The following CBLB variants were observed in gnomAD, a reference collection of about 807,000 sequenced individuals.
The protein encoded by CBLB is E3 ubiquitin-protein ligase CBL-B.
A neutral mutation model predicts 104.9 loss-of-function variants in CBLB; 31 were observed. The observed-to-expected ratio is 0.30, with a 90% CI of 0.22 to 0.40. CBLB has a LOEUF of 0.40. Among genes scored for constraint, CBLB ranks in the 10% least tolerant of loss-of-function variants. CBLB has a pLI of 1.00. For synonymous variants in CBLB, 440 were observed against 422.6 expected (o/e 1.04, Z -0.51); for missense variants, 1,062 against 1,214.6 (o/e 0.87, Z 1.87).
chr3:105,764,355 G>T (rs1405316168), intron 4 of CBLB, among the ~76,000 whole-genome samples: 1 of 152,110 alleles, frequency 6.6e-6, no homozygotes, highest in Non-Finnish European at 1.5e-5. Context: ...AAAACAGCTG[G>T]CACACAGGTC....
chr3:105,678,735 T>C (rs2065945923), intron 16 of CBLB, among the ~76,000 whole-genome samples, 164 bp from the exon 17 acceptor site: 1 of 152,258 alleles, frequency 6.6e-6, no homozygotes, highest in South Asian at 2.1e-4. Context: ...CTAATTATTT[T>C]GTGGGAGAGT....
chr3:105,663,193 G>GTTACTGCTGTTACTATTTGAGACCC (rs2063995526), intron 18 of CBLB, among the ~76,000 whole-genome samples: 1 of 63,972 alleles, frequency 1.6e-5, no homozygotes, highest in Non-Finnish European at 3.4e-5. Context: ...ATTTGAGACA[G>GTTACTGCTGTTACTATTTGAGACCC]TCATTACAAC....
At chr3:105,787,548 T>C (rs1289540081) in intron 3 of CBLB, among the ~76,000 whole-genome samples, 1 of 152,206 alleles carries the variant, frequency 6.6e-6, no homozygotes, top group East Asian at 1.9e-4. Flanking sequence ...ACTCTGGCGC[T>C]AAAATGTCTA....
Position 105,702,421 on chromosome 3 carries a change from G to A in CBLB, c.1632C>T (p.Leu544=), listed in dbSNP as rs141765937. The change falls in exon 12 of 19, where the codon CTC becomes CTT. Residue 544 remains leucine (L), a synonymous_variant. Coordinates refer to ENST00000394030, the MANE Select transcript of CBLB (RefSeq NM_170662.5). Reference sequence around the variant, plus strand: ...CTCTTAAGGGAGGAGGTGGTGCTGGGAGTGGTTTATCTTGTTTTCTCACCA... The same window carrying A: ...CTCTTAAGGGAGGAGGTGGTGCTGGAAGTGGTTTATCTTGTTTTCTCACCA... The part of the protein sequence containing the change: ...PCMVRKQDKP[L]PAPPPPLRDP... The A allele has an allele frequency of 3.8e-5, 56 of 1,483,978 alleles. No individual in the cohort carries two copies. In the African/African-American group the frequency reaches 6.9e-4, roughly 18 times the overall value. 91.9% of individuals were successfully genotyped at this position (1,483,978 alleles called of 1,614,324 possible).
At chr3:105,689,173 G>A (rs2067366221) in intron 13 of CBLB, among the ~76,000 whole-genome samples, 2 of 152,020 alleles carry the variant, frequency 1.3e-5, no homozygotes, top group East Asian at 3.9e-4. Flanking sequence ...CCTAACTAGA[G>A]CTTAAATTCC....
At chr3:105,789,983 C>G (rs1042620174) in intron 3 of CBLB, among the ~76,000 whole-genome samples, 9 of 152,244 alleles carry the variant, frequency 5.9e-5, no homozygotes, top group African/African-American at 1.9e-4. Context: ...CTTAACAGAT[C>G]ACTGTACCTG....
intron 3 of CBLB, among the ~76,000 whole-genome samples, chr3:105,833,414 T>A (rs1282313774): frequency 6.6e-6 from 1 of 152,178 alleles, no homozygotes; most frequent in Non-Finnish European, 1.5e-5. Flanking sequence ...TTAATTTCTA[T>A]GATCAGTTAA....
chr3:105,844,743 A>C (rs1167749662), intron 3 of CBLB, among the ~76,000 whole-genome samples: 3 of 152,206 alleles, frequency 2.0e-5, no homozygotes, highest in South Asian at 2.1e-4. Context: ...ATTAGCACTG[A>C]ATGCTAATCT....
At chr3:105,717,635 AGAAGAG>A (rs1057217609) in intron 10 of CBLB, among the ~76,000 whole-genome samples, 3 of 152,198 alleles carry the variant, frequency 2.0e-5, no homozygotes, top group Non-Finnish European at 4.4e-5. Context: ...CTCATTTTTC[AGAAGAG>A]GAAATCAGGC....
chr3:105,818,621 T>C (rs2085388038), intron 3 of CBLB, among the ~76,000 whole-genome samples: 1 of 152,158 alleles, frequency 6.6e-6, no homozygotes, highest in South Asian at 2.1e-4. Context: ...TTATAGTAAG[T>C]ATATTATAAT....
In CBLB at chr3:105,672,849, C is replaced by T. The variant is rs1174095393; in HGVS notation, c.2570-2497G>A. 5 of 151,886 alleles carry T rather than the reference C, an allele frequency of 3.3e-5. No individual in the cohort carries two copies. The East Asian group carries it at 9.6e-4, about 29-fold the overall frequency. The allele number at this position is 151,886 out of a possible 1,614,324, so 9.4% of individuals were successfully genotyped here. Reference sequence around the variant, plus strand: ...AAAAAAGAAATGAGGAAATATACATCAATAAAAATTATATTGTGTACAAAT... The same window carrying T: ...AAAAAAGAAATGAGGAAATATACATTAATAAAAATTATATTGTGTACAAAT... On this transcript the variant is annotated intron_variant, in intron 17 of 18. Transcript: ENST00000394030.
At chr3:105,867,317 A>T in intron 2 of CBLB, 93 bp downstream of exon 2, 1 of 1,118,166 alleles carries the variant, frequency 8.9e-7, no homozygotes, top group Non-Finnish European at 1.4e-6. Flanking sequence ...TGCCATAACA[A>T]TGGTTGGTAT....
At chr3:105,754,493 AAGAGAGAGAGAG>A (rs1208848396) in intron 4 of CBLB, among the ~76,000 whole-genome samples, 655 of 64,346 alleles carry the variant, frequency 0.01, 25 homozygotes, top group East Asian at 0.062. Flanking sequence ...AAGAAAAGGG[AAGAGAGAGAGAG>A]AGAGAGAGAG....
At chr3:105,681,138 T>C in intron 16 of CBLB, 2 of 346,802 alleles carry the variant, frequency 5.8e-6, no homozygotes, top group African/African-American at 2.1e-5. Flanking sequence ...TTCATATTTA[T>C]TAAGAATTAT....
intron 3 of CBLB, among the ~76,000 whole-genome samples, chr3:105,783,301 G>A (rs2080521465): frequency 6.6e-6 from 1 of 152,088 alleles, no homozygotes; most frequent in South Asian, 2.1e-4. Context: ...CCTTCAATAA[G>A]TAAGTTATTT....
At chr3:105,686,127 G>A (rs1285185101) in intron 13 of CBLB, among the ~76,000 whole-genome samples, 1 of 152,116 alleles carries the variant, frequency 6.6e-6, no homozygotes, top group African/African-American at 2.4e-5. Flanking sequence ...CTAAATAAAA[G>A]AGAATTAAAA....
chr3:105,722,545 A>C (rs2073033193), intron 9 of CBLB, among the ~76,000 whole-genome samples: 1 of 128,386 alleles, frequency 7.8e-6, no homozygotes, highest in Non-Finnish European at 1.7e-5. Flanking sequence ...CATAACTAAA[A>C]ACCAAGAACC....
At chr3:105,849,073 C>T (rs1416198927) in intron 3 of CBLB, among the ~76,000 whole-genome samples, 1 of 152,050 alleles carries the variant, frequency 6.6e-6, no homozygotes, top group Non-Finnish European at 1.5e-5. Flanking sequence ...CTTCTGTGTT[C>T]TGTAGAGCAA....
chr3:105,685,224 T>C, intron 14 of CBLB, 96 bp downstream of exon 14: 2 of 1,099,218 alleles, frequency 1.8e-6, no homozygotes, highest in Non-Finnish European at 2.8e-6. Context: ...AAATTAAGGA[T>C]TTTTAATTAG....
Sources: allele counts gnomAD v4.1 joint callset (sites outside exome capture counted in the v4.1 genomes callset), GRCh38; gene constraint gnomAD v4.1.1; transcripts MANE v1.5; gene names NCBI Gene and HGNC (gene_info 2026-07-23, HGNC 2026-07-21).